The following DNASE1 variants were observed in gnomAD, a reference collection of about 807,000 sequenced individuals.
The protein encoded by DNASE1 is deoxyribonuclease 1.
Under a neutral mutation model 33.9 loss-of-function variants are expected in DNASE1, and 40 were observed. The ratio of observed to expected loss-of-function variants is 1.18; its 90% CI spans 0.92 to 1.54. The LOEUF is 1.54. Among genes scored for constraint, DNASE1 ranks in the 40% most tolerant of loss-of-function variants. The probability of loss-of-function intolerance (pLI) is 0.00; values close to 1 mark genes in which losing one functional copy is unlikely to be tolerated. For missense variants in DNASE1, 518 were observed against 372.6 expected, an observed-to-expected ratio of 1.39 and a Z score of -3.21; for synonymous variants, 216 against 160.0, an observed-to-expected ratio of 1.35 and a Z score of -2.64.
At chr16:3,622,361 G>A (rs901506519) in intron 1 of DNASE1, among the ~76,000 whole-genome samples, 1 of 152,062 alleles carries the variant, frequency 6.6e-6, no homozygotes, top group African/African-American at 2.4e-5. Flanking sequence ...GTGTCTTGTA[G>A]CTTTACTTTA....
intron 1 of DNASE1, among the ~76,000 whole-genome samples, chr16:3,627,509 T>C (rs1419305252): frequency 1.3e-5 from 2 of 152,112 alleles, no homozygotes; most frequent in African/African-American, 2.4e-5. Flanking sequence ...ACTCCTGGGC[T>C]CAAGTGATCC....
upstream of DNASE1, chr16:3,640,663 G>C (rs2042004209): frequency 2.5e-6 from 1 of 398,304 alleles, no homozygotes; most frequent in Admixed American, 4.4e-5. Flanking sequence ...AGAATAGGTG[G>C]TGCTGGGTGA....
chr16:3,622,507 A>G (rs1247475742), intron 1 of DNASE1, among the ~76,000 whole-genome samples: 2 of 152,180 alleles, frequency 1.3e-5, no homozygotes, highest in East Asian at 3.8e-4. Context: ...TTGTAAGATT[A>G]TGTGATTAAT....
upstream of DNASE1, chr16:3,640,795 A>T (rs912442658): frequency 5.0e-6 from 2 of 398,500 alleles, no homozygotes; most frequent in Non-Finnish European, 8.8e-6. Flanking sequence ...TGGCCTCCCC[A>T]GCAAGTTGCA....
upstream of DNASE1, chr16:3,654,319 G>A (rs1438683324): frequency 1.0e-5 from 4 of 398,500 alleles, no homozygotes; most frequent in Non-Finnish European, 1.8e-5. Flanking sequence ...GCCCCACGGC[G>A]CTGGTGCTGC....
At chr16:3,615,131 C>T (rs980903745) in intron 1 of DNASE1, among the ~76,000 whole-genome samples, 5 of 152,042 alleles carry the variant, frequency 3.3e-5, no homozygotes, top group African/African-American at 1.2e-4. Context: ...ATCTTTCAAC[C>T]TGTGTCTTTT....
intron 1 of DNASE1, among the ~76,000 whole-genome samples, chr16:3,646,228 G>A (rs567667073): frequency 6.6e-5 from 10 of 152,244 alleles, no homozygotes; most frequent in East Asian, 5.8e-4. Context: ...GGGGGTCTGC[G>A]GGGAACCTGG....
downstream of DNASE1, chr16:3,660,459 C>G (rs1037688336): frequency 6.6e-6 from 1 of 152,128 alleles, no homozygotes; most frequent in African/African-American, 2.4e-5. Context: ...GGTGACAGAG[C>G]AAGACCCTGT....
Position 3,656,195 on chromosome 16 carries a change from C to G in DNASE1, c.320+10C>G, listed in dbSNP as rs1287273706. ...ACCTGTTCGTGTACAGGTGGGTGGT[C>G]TAGAAAGCCAGGAAGCCCCTCCCTC... On this transcript the variant is annotated intron_variant, in intron 4 of 8. Transcript: ENST00000246949. The G allele has an allele frequency of 1.9e-6, 3 of 1,613,652 alleles. No homozygotes were observed. Among genetic ancestry groups the G allele is most frequent in the African/African-American group, 1.3e-5 (1 of 75,020 alleles).
downstream of DNASE1, chr16:3,662,679 G>A: frequency 1.4e-6 from 1 of 694,688 alleles, no homozygotes; most frequent in Non-Finnish European, 2.6e-6. Flanking sequence ...AGCAGGGCTG[G>A]GAGAAAGACA....
In DNASE1 at chr16:3,656,188, G is replaced by T. The variant is rs377126078; in HGVS notation, c.320+3G>T. ...GAGCGCTACCTGTTCGTGTACAGGT[G>T]GGTGGTCTAGAAAGCCAGGAAGCCC... On this transcript the variant is annotated splice_donor_region_variant and intron_variant, in intron 4 of 8. Coordinates refer to ENST00000246949, the MANE Select transcript of DNASE1 (RefSeq NM_005223.4). The T allele has an allele frequency of 3.1e-6, 5 of 1,613,766 alleles. No homozygotes were observed. In the African/African-American group the frequency reaches 6.7e-5, roughly 22 times the overall value.
At chr16:3,642,236 T>G (rs142289768), upstream of DNASE1, among the ~76,000 whole-genome samples, 62 of 152,336 alleles carry the variant, frequency 4.1e-4, no homozygotes, top group East Asian at 0.011. Context: ...TCTGGCAGCA[T>G]CATCTTCTGA....
intron 1 of DNASE1, among the ~76,000 whole-genome samples, chr16:3,618,268 A>T (rs923719353): frequency 1.3e-5 from 2 of 151,050 alleles, no homozygotes; most frequent in African/African-American, 4.9e-5. Flanking sequence ...AAAAAAAAAA[A>T]GTATTGGTGA....
intron 1 of DNASE1, among the ~76,000 whole-genome samples, chr16:3,644,243 A>C (rs2042104026): frequency 6.6e-6 from 1 of 151,902 alleles, no homozygotes; most frequent in Admixed American, 6.6e-5. Flanking sequence ...TGGGCAACAC[A>C]GCAAGACCTT....
intron 1 of DNASE1, among the ~76,000 whole-genome samples, chr16:3,614,289 G>T (rs1023549247): frequency 1.3e-5 from 2 of 152,082 alleles, no homozygotes; most frequent in African/African-American, 2.4e-5. Flanking sequence ...CATCAGGCGG[G>T]CGATCTTCCT....
downstream of DNASE1, chr16:3,658,846 GCTT>G (rs775862080): frequency 3.1e-6 from 5 of 1,613,950 alleles, no homozygotes; most frequent in Non-Finnish European, 4.2e-6. Flanking sequence ...AGCTGATTCA[GCTT>G]CTTGATGAGC....
At chr16:3,660,764 C>A (rs568053613), downstream of DNASE1, 1 of 152,144 alleles carries the variant, frequency 6.6e-6, no homozygotes, top group African/African-American at 2.4e-5. Flanking sequence ...TACTAAAGAA[C>A]AAAACAAAAA....
chr16:3,648,259 G>A (rs1321330733), intron 1 of DNASE1, among the ~76,000 whole-genome samples: 1 of 151,416 alleles, frequency 6.6e-6, no homozygotes, highest in Non-Finnish European at 1.5e-5. Flanking sequence ...CTACAATTGT[G>A]CCTGTGAAAA....
chr16:3,638,286 A>G (rs188082949), upstream of DNASE1, among the ~76,000 whole-genome samples: 2 of 152,100 alleles, frequency 1.3e-5, no homozygotes, highest in East Asian at 3.9e-4. Flanking sequence ...CTGGTTTTCT[A>G]CAACTTGATT....
Sources: allele counts gnomAD v4.1 joint callset (sites outside exome capture counted in the v4.1 genomes callset), GRCh38; gene constraint gnomAD v4.1.1; transcripts MANE v1.5; gene names NCBI Gene and HGNC (gene_info 2026-07-23, HGNC 2026-07-21).